ENTREP2: variants seen among roughly 807,000 people sequenced by gnomAD.
ENTREP2 encodes protein ENTREP2.
the ENTREP2 span, among the ~76,000 whole-genome samples, chr15:29,528,160 T>C: frequency 6.6e-6 from 1 of 152,104 alleles, no homozygotes; most frequent in Non-Finnish European, 1.5e-5. Flanking sequence ...TGACAGGTTG[T>C]GATGGCATTA....
At chr15:29,258,773 A>G in the ENTREP2 span, among the ~76,000 whole-genome samples, 10 of 152,120 alleles carry the variant, frequency 6.6e-5, no homozygotes, top group African/African-American at 2.4e-4. Context: ...AATCACCACC[A>G]TTCTACTTTC....
the ENTREP2 span, among the ~76,000 whole-genome samples, chr15:29,213,995 T>C: frequency 6.6e-6 from 1 of 151,778 alleles, no homozygotes; most frequent in Non-Finnish European, 1.5e-5. Flanking sequence ...TGAGATACCA[T>C]CTCATGCCAG....
the ENTREP2 span, among the ~76,000 whole-genome samples, chr15:29,316,622 G>C: frequency 1.3e-5 from 2 of 152,174 alleles, no homozygotes; most frequent in African/African-American, 4.8e-5. Flanking sequence ...TACTGATGAC[G>C]CAAGAATGTC....
the ENTREP2 span, chr15:29,136,596 T>C: frequency 2.3e-6 from 3 of 1,310,944 alleles, no homozygotes; most frequent in Non-Finnish European, 3.1e-6. Flanking sequence ...CGGCCAGGGC[T>C]TCCCCTCTTC....
At chr15:29,585,855 CAA>C in the ENTREP2 span, among the ~76,000 whole-genome samples, 3,729 of 110,568 alleles carry the variant, frequency 0.034, 74 homozygotes, top group African/African-American at 0.13. Flanking sequence ...GACTCTGTCT[CAA>C]AAAAAAAAAA....
At chr15:29,634,473 C>G in the ENTREP2 span, among the ~76,000 whole-genome samples, 2 of 152,190 alleles carry the variant, frequency 1.3e-5, no homozygotes, top group Non-Finnish European at 2.9e-5. Flanking sequence ...AATGCTTTTT[C>G]TACTCTCACC....
chr15:29,484,992 C>A, the ENTREP2 span, among the ~76,000 whole-genome samples: 7 of 152,062 alleles, frequency 4.6e-5, no homozygotes, highest in Admixed American at 1.3e-4. Flanking sequence ...AAGCTTTAAC[C>A]CCAAGACTCA....
At chr15:29,332,513 T>C in the ENTREP2 span, among the ~76,000 whole-genome samples, 1 of 152,204 alleles carries the variant, frequency 6.6e-6, no homozygotes, top group Non-Finnish European at 1.5e-5. Flanking sequence ...GATTAGGTGG[T>C]GTCCTGAGTT....
the ENTREP2 span, among the ~76,000 whole-genome samples, chr15:29,364,770 G>C: frequency 6.6e-6 from 1 of 151,878 alleles, no homozygotes; most frequent in Non-Finnish European, 1.5e-5. Flanking sequence ...TTTATTTTTA[G>C]AACAGTTTTA....
chr15:29,385,179 G>A, the ENTREP2 span, among the ~76,000 whole-genome samples: 1 of 152,126 alleles, frequency 6.6e-6, no homozygotes, highest in Admixed American at 6.5e-5. Flanking sequence ...ATTCTACAGT[G>A]ACTAAGTCGC....
At chr15:29,367,880 T>C in the ENTREP2 span, among the ~76,000 whole-genome samples, 1 of 149,344 alleles carries the variant, frequency 6.7e-6, no homozygotes, top group Non-Finnish European at 1.5e-5. Context: ...CAATAAACTA[T>C]AGTGGACAAG....
At chr15:29,300,990 G>C in the ENTREP2 span, among the ~76,000 whole-genome samples, 1 of 152,158 alleles carries the variant, frequency 6.6e-6, no homozygotes, top group African/African-American at 2.4e-5. Flanking sequence ...AGTGTTTTCT[G>C]AAAGAAGTAA....
At chr15:29,379,360 G>T in the ENTREP2 span, among the ~76,000 whole-genome samples, 1 of 152,200 alleles carries the variant, frequency 6.6e-6, no homozygotes, top group Non-Finnish European at 1.5e-5. Flanking sequence ...CTGAGCCACT[G>T]ATAGTCAGGA....
chr15:29,200,109 A>G, the ENTREP2 span, among the ~76,000 whole-genome samples: 1 of 152,202 alleles, frequency 6.6e-6, no homozygotes, highest in Non-Finnish European at 1.5e-5. Flanking sequence ...TACTGTGGCT[A>G]TAAGTCTGGA....
chr15:29,519,188 G>C, the ENTREP2 span, among the ~76,000 whole-genome samples: 8 of 151,326 alleles, frequency 5.3e-5, no homozygotes, highest in Admixed American at 1.3e-4. Context: ...TACACACACA[G>C]AGTAGATAAA....
chr15:29,379,853 G>C, the ENTREP2 span, among the ~76,000 whole-genome samples: 1 of 152,164 alleles, frequency 6.6e-6, no homozygotes, highest in Admixed American at 6.5e-5. Flanking sequence ...CACCCACTCT[G>C]CGGAAGGCGG....
At chr15:29,595,813 T>G in the ENTREP2 span, among the ~76,000 whole-genome samples, 4 of 152,284 alleles carry the variant, frequency 2.6e-5, no homozygotes, top group East Asian at 7.7e-4. Context: ...ATAGCCTCCT[T>G]TTTTTGGTGT....
chr15:29,209,939 G>C, the ENTREP2 span, among the ~76,000 whole-genome samples: 1 of 152,216 alleles, frequency 6.6e-6, no homozygotes, highest in Non-Finnish European at 1.5e-5. Flanking sequence ...GGATGCAAAA[G>C]TGTCACCTGG....
At chr15:29,672,653 C>T in the ENTREP2 span, among the ~76,000 whole-genome samples, 8 of 152,026 alleles carry the variant, frequency 5.3e-5, no homozygotes, top group South Asian at 2.1e-4. Flanking sequence ...GAATTGCAGT[C>T]GAGAGTTTAA....
Sources: allele counts gnomAD v4.1 joint callset (sites outside exome capture counted in the v4.1 genomes callset), GRCh38; gene constraint gnomAD v4.1.1; transcripts MANE v1.5; gene names NCBI Gene and HGNC (gene_info 2026-07-23, HGNC 2026-07-21).